COL4A6: variants seen among roughly 807,000 people sequenced by gnomAD.
The protein encoded by COL4A6 is collagen alpha-6(IV) chain.
Under a neutral mutation model 126.7 loss-of-function variants are expected in COL4A6, and 59 were observed. That is an observed-to-expected ratio of 0.47 (90% confidence interval 0.38 to 0.58). The LOEUF (loss-of-function observed/expected upper bound fraction) is 0.58. Among genes scored for constraint, COL4A6 ranks in the 20% least tolerant of loss-of-function variants. COL4A6 has a pLI of 0.00. For synonymous variants in COL4A6, 547 were observed against 496.6 expected (o/e 1.10, Z -1.35); for missense variants, 1,285 against 1,337.3 (o/e 0.96, Z 0.61).
intron 3 of COL4A6, among the ~76,000 whole-genome samples, chrX:108,281,783 G>T (rs1199517978): frequency 9.1e-6 from 1 of 110,011 alleles, no homozygotes; most frequent in African/African-American, 3.3e-5. Flanking sequence ...GCATGGCACT[G>T]GTACCAAAAC....
Position 108,155,983 on chromosome X carries a change from G to A in COL4A6, c.*1017C>T, listed in dbSNP as rs1359150717. ...AGTTTAATAGGCTACCTGTGAAAGAGCAATTGGATAACCATTTAACAAAGT... is the reference window on the plus strand; with the variant it reads ...AGTTTAATAGGCTACCTGTGAAAGAACAATTGGATAACCATTTAACAAAGT... On this transcript the variant is annotated 3_prime_UTR_variant, in exon 45 of 45. Coordinates refer to ENST00000334504, the MANE Select transcript of COL4A6 (RefSeq NM_033641.4). 1 of 112,140 alleles carries A rather than the reference G, an allele frequency of 8.9e-6. No individual in the cohort carries two copies. Among genetic ancestry groups the A allele is most frequent in the African/African-American group, 3.2e-5 (1 of 30,813 alleles). 9.2% of individuals were successfully genotyped at this position (112,140 alleles called of 1,213,427 possible). A position where few individuals can be genotyped will look rare whatever the true frequency, so the allele number is the denominator to read the frequency against.
At chrX:108,432,602 G>A (rs1250322622) in intron 2 of COL4A6, among the ~76,000 whole-genome samples, 3 of 111,575 alleles carry the variant, frequency 2.7e-5, no homozygotes, top group African/African-American at 9.8e-5. Flanking sequence ...TTGGGAGGCC[G>A]AGGCGGGTGG....
At chrX:108,352,517 G>C (rs901444486) in intron 2 of COL4A6, among the ~76,000 whole-genome samples, 2 of 112,050 alleles carry the variant, frequency 1.8e-5, no homozygotes, top group Non-Finnish European at 3.8e-5. Context: ...GCACTGGGTT[G>C]CATGCTAAAT....
intron 2 of COL4A6, among the ~76,000 whole-genome samples, chrX:108,374,579 G>C (rs754871566): frequency 4.5e-5 from 5 of 111,992 alleles, no homozygotes; most frequent in Non-Finnish European, 9.4e-5. Flanking sequence ...TCAGGAGTGA[G>C]TAAATTCTTT....
At chrX:108,328,563 C>A (rs891825770) in intron 2 of COL4A6, among the ~76,000 whole-genome samples, 1 of 111,774 alleles carries the variant, frequency 8.9e-6, no homozygotes, top group Non-Finnish European at 1.9e-5. Context: ...ACTTACAAGA[C>A]AAAATGATCC....
chrX:108,319,312 C>T (rs963082224), intron 2 of COL4A6, among the ~76,000 whole-genome samples: 2 of 112,044 alleles, frequency 1.8e-5, no homozygotes, highest in Admixed American at 9.4e-5. Flanking sequence ...TGAGGCTGAT[C>T]GTGCCACTGC....
At chrX:108,207,162 C>A (rs770696640) in intron 8 of COL4A6, among the ~76,000 whole-genome samples, 52 of 111,600 alleles carry the variant, frequency 4.7e-4, no homozygotes, top group Middle Eastern at 4.6e-3. Context: ...TAAAGATAGG[C>A]ATGCTATAGG....
chrX:108,282,082 A>C (rs1456575347), intron 3 of COL4A6, among the ~76,000 whole-genome samples: 1 of 111,142 alleles, frequency 9.0e-6, no homozygotes, highest in Admixed American at 9.6e-5. Flanking sequence ...GGACATACGC[A>C]TGGGCAAAGA....
At chrX:108,265,330 A>T (rs1014252815) in intron 3 of COL4A6, among the ~76,000 whole-genome samples, 1 of 111,093 alleles carries the variant, frequency 9.0e-6, no homozygotes, top group Non-Finnish European at 1.9e-5. Context: ...GAGTGACAGC[A>T]AACAATTTAA....
At chrX:108,232,651 A>G (rs187079242) in intron 3 of COL4A6, among the ~76,000 whole-genome samples, 176 of 112,043 alleles carry the variant, frequency 1.6e-3, no homozygotes, top group African/African-American at 5.5e-3. Flanking sequence ...TTGAAGCAGA[A>G]GAGTTAGATT....
chrX:108,187,161 C>A lies in COL4A6; in HGVS notation c.1886G>T (p.Arg629Leu). The A allele has an allele frequency of 8.4e-7, 1 of 1,195,742 alleles. No homozygotes were observed. Among genetic ancestry groups the A allele is most frequent in the East Asian group, 3.0e-5 (1 of 33,355 alleles). Residue 629 changes from arginine (R) to leucine (L), a missense_variant, in exon 23 of 45, where the codon CGT becomes CTT. Transcript: ENST00000334504. ...GNGLPGLPGP[R>L]GLPGDKGKDG... Reference sequence around the variant, plus strand: ...CTTGCCTTTATCTCCAGGAAGCCCACGGGGTCCAGGAAGTCCTGGTAACCC... The same window carrying A: ...CTTGCCTTTATCTCCAGGAAGCCCAAGGGGTCCAGGAAGTCCTGGTAACCC...
chrX:108,338,573 T>C (rs2039487292), intron 2 of COL4A6, among the ~76,000 whole-genome samples: 1 of 112,218 alleles, frequency 8.9e-6, no homozygotes, highest in South Asian at 3.7e-4. Flanking sequence ...GACAGTTGGC[T>C]GCTTTCATAA....
intron 4 of COL4A6, among the ~76,000 whole-genome samples, chrX:108,220,815 T>C (rs2035996471): frequency 8.9e-6 from 1 of 112,840 alleles, no homozygotes; most frequent in South Asian, 3.6e-4. Flanking sequence ...CCATCTCTTA[T>C]TAAAATATGC....
At chrX:108,198,456 G>GA (rs1048094213) in intron 13 of COL4A6, among the ~76,000 whole-genome samples, 22 of 108,466 alleles carry the variant, frequency 2.0e-4, no homozygotes, top group Admixed American at 1.3e-3. Context: ...ATGTAAAAAG[G>GA]AAAAAAAAAG....
intron 2 of COL4A6, among the ~76,000 whole-genome samples, chrX:108,429,100 G>T (rs921949363): frequency 1.8e-5 from 2 of 111,871 alleles, no homozygotes; most frequent in Admixed American, 1.9e-4. Context: ...TTATTACTCA[G>T]CAATAAAAGG....
intron 2 of COL4A6, among the ~76,000 whole-genome samples, chrX:108,350,553 G>GA (rs912546939): frequency 9.0e-6 from 1 of 111,333 alleles, no homozygotes; most frequent in Non-Finnish European, 1.9e-5. Flanking sequence ...TGGAAAGAAT[G>GA]AAAAAACCAA....
At chrX:108,387,728 C>T (rs757749773) in intron 2 of COL4A6, among the ~76,000 whole-genome samples, 2 of 111,458 alleles carry the variant, frequency 1.8e-5, no homozygotes, top group Admixed American at 9.5e-5. Flanking sequence ...GCCTGATTAC[C>T]CTGGCCAGAA....
intron 3 of COL4A6, among the ~76,000 whole-genome samples, chrX:108,245,211 C>G (rs902671339): frequency 2.0e-4 from 22 of 112,399 alleles, no homozygotes; most frequent in African/African-American, 7.1e-4. Flanking sequence ...ATTCCCAATG[C>G]CTTTATCCAA....
chrX:108,347,176 C>T (rs1039506864), intron 2 of COL4A6, among the ~76,000 whole-genome samples: 6 of 111,685 alleles, frequency 5.4e-5, no homozygotes, highest in East Asian at 2.8e-4. Flanking sequence ...GATGCCATCC[C>T]GTCGCAGGGA....
Sources: allele counts gnomAD v4.1 joint callset (sites outside exome capture counted in the v4.1 genomes callset), GRCh38; gene constraint gnomAD v4.1.1; transcripts MANE v1.5; gene names NCBI Gene and HGNC (gene_info 2026-07-23, HGNC 2026-07-21).